Variants in FRMPD4 observed in about 807,000 individuals in gnomAD.
FRMPD4 encodes FERM and PDZ domain-containing protein 4.
A neutral mutation model predicts 94.1 loss-of-function variants in FRMPD4; 22 were observed. The ratio of observed to expected loss-of-function variants is 0.23; its 90% CI spans 0.17 to 0.33. The LOEUF (loss-of-function observed/expected upper bound fraction) is 0.33, where lower values mean the gene tolerates loss of function less well. FRMPD4 is among the 10% of genes least tolerant of loss of function. FRMPD4 has a pLI of 1.00. For missense variants in FRMPD4, 1,111 were observed against 1,339.9 expected (o/e 0.83, Z 2.67); for synonymous variants, 631 against 548.6 (o/e 1.15, Z -2.10).
At chrX:11,844,994 A>G (rs1380796442) in intron 1 of FRMPD4, among the ~76,000 whole-genome samples, 1 of 112,211 alleles carries the variant, frequency 8.9e-6, no homozygotes, top group African/African-American at 3.2e-5. Flanking sequence ...TGCCCGTCCG[A>G]TGAAATTTCT....
At chrX:12,258,686 C>T (rs769231142) in intron 1 of FRMPD4, among the ~76,000 whole-genome samples, 5 of 110,895 alleles carry the variant, frequency 4.5e-5, no homozygotes, top group South Asian at 3.9e-4. Flanking sequence ...TACTTTTTAT[C>T]GATATGTAAT....
chrX:12,267,407 C>T (rs754439950), intron 1 of FRMPD4, among the ~76,000 whole-genome samples: 5 of 111,992 alleles, frequency 4.5e-5, no homozygotes, highest in African/African-American at 1.6e-4. Flanking sequence ...CTCCAAATAG[C>T]GCCTTCTTTT....
At position 12,022,387 on chromosome X, in the gene FRMPD4, A is replaced by T. The variant is rs997689285; in HGVS notation, c.95+144369A>T. ...GAGTTAGGCCCACTCTTTCCCTGCT[A>T]AAAGACACACATCAGAGATTTTCAG... is the stretch of plus-strand genomic sequence containing the variant. On this transcript the variant is annotated intron_variant, in intron 3 of 18. Transcript: ENST00000640291. Among the ~76,000 whole-genome samples, 10 of 112,249 alleles carry T rather than the reference A, an allele frequency of 8.9e-5. No homozygotes were observed. The East Asian group carries it at 2.8e-3, about 31-fold the overall frequency.
Position 12,509,055 on chromosome X carries a change from G to A in FRMPD4, c.158+10259G>A, listed in dbSNP as rs1209475336. 4.3e-5 allele frequency among the ~76,000 whole-genome samples: 4 copies of A among 93,880 alleles called. 1 individual carries two copies. Among genetic ancestry groups the A allele is most frequent in the African/African-American group, 1.2e-4 (3 of 25,421 alleles). 81.5% of individuals were successfully genotyped at this position (93,880 alleles called of 115,157 possible). A position where few individuals can be genotyped will look rare whatever the true frequency, so the allele number is the denominator to read the frequency against. On this transcript the variant is annotated intron_variant, in intron 2 of 16. Transcript: ENST00000675598. ...AGTGGGATACACCTTACTCCTGCAA[G>A]AATGGCCATAATCAAAAAACCAAAA...
chrX:12,397,621 G>A (rs1480292635), intron 1 of FRMPD4, among the ~76,000 whole-genome samples: 1 of 111,661 alleles, frequency 9.0e-6, no homozygotes, highest in Non-Finnish European at 1.9e-5. Flanking sequence ...CTTTGGTTAT[G>A]TCTTGGCAGG....
At chrX:11,914,300 T>C (rs1569124460) in intron 3 of FRMPD4, among the ~76,000 whole-genome samples, 1 of 107,747 alleles carries the variant, frequency 9.3e-6, no homozygotes, top group Non-Finnish European at 1.9e-5. Context: ...TCTTTTTTTT[T>C]TTTTTTTGAA....
At chrX:12,201,994 CTT>C (rs201179523) in intron 1 of FRMPD4, among the ~76,000 whole-genome samples, 18 of 102,051 alleles carry the variant, frequency 1.8e-4, no homozygotes, top group East Asian at 6.2e-4. Flanking sequence ...GCTTTTTCTT[CTT>C]TTTTTTTTTT....
At chrX:11,953,389 C>G (rs762373899) in intron 3 of FRMPD4, among the ~76,000 whole-genome samples, 1 of 111,677 alleles carries the variant, frequency 9.0e-6, no homozygotes, top group Non-Finnish European at 1.9e-5. Context: ...TTAAAGATGT[C>G]CCTTTTCAGG....
At chrX:12,349,441 G>C (rs1195005483) in intron 1 of FRMPD4, among the ~76,000 whole-genome samples, 2 of 110,288 alleles carry the variant, frequency 1.8e-5, no homozygotes, top group Non-Finnish European at 3.8e-5. Context: ...AGGATACTAA[G>C]CCTAGTCTTG....
At chrX:12,035,651 A>G (rs1298820534) in intron 3 of FRMPD4, among the ~76,000 whole-genome samples, 1 of 111,617 alleles carries the variant, frequency 9.0e-6, no homozygotes, top group Non-Finnish European at 1.9e-5. Context: ...ATTTGGTAAA[A>G]TGGTACATTT....
intron 1 of FRMPD4, among the ~76,000 whole-genome samples, chrX:11,850,263 CAAAG>C (rs762361660): frequency 8.9e-6 from 1 of 112,089 alleles, no homozygotes; most frequent in Admixed American, 9.4e-5. Flanking sequence ...CTATTAAAAA[CAAAG>C]AAACAAACAA....
At chrX:12,713,937 A>C (rs1201036941) in intron 14 of FRMPD4, among the ~76,000 whole-genome samples, 2 of 111,868 alleles carry the variant, frequency 1.8e-5, no homozygotes, top group East Asian at 5.6e-4. Context: ...TTAGCCTTCA[A>C]GCACTTTCAA....
At chrX:12,554,561 C>T (rs1225420795) in intron 2 of FRMPD4, among the ~76,000 whole-genome samples, 2 of 112,136 alleles carry the variant, frequency 1.8e-5, no homozygotes, top group Admixed American at 1.9e-4. Flanking sequence ...TTTTGTTTCA[C>T]TCTTAACAAA....
intron 1 of FRMPD4, among the ~76,000 whole-genome samples, chrX:12,334,134 G>A (rs776716926): frequency 8.9e-6 from 1 of 112,010 alleles, no homozygotes; most frequent in Non-Finnish European, 1.9e-5. Context: ...TATTACTATA[G>A]TATCACTATC....
At chrX:12,212,056 C>G (rs1454587976) in intron 1 of FRMPD4, among the ~76,000 whole-genome samples, 1 of 111,523 alleles carries the variant, frequency 9.0e-6, no homozygotes, top group Non-Finnish European at 1.9e-5. Flanking sequence ...ACTTCCAGTT[C>G]CTCCCCACAG....
intron 1 of FRMPD4, among the ~76,000 whole-genome samples, chrX:12,430,704 C>T (rs2057000907): frequency 8.9e-6 from 1 of 111,955 alleles, no homozygotes; most frequent in Non-Finnish European, 1.9e-5. Context: ...GCTGAACACT[C>T]GTTCTGATTA....
chrX:11,891,786 A>T (rs1025870470), intron 3 of FRMPD4, among the ~76,000 whole-genome samples: 2 of 112,468 alleles, frequency 1.8e-5, no homozygotes, highest in African/African-American at 6.5e-5. Context: ...GTGATTACAT[A>T]GTCCAGTAAC....
chrX:11,921,676 C>G (rs989783031), intron 3 of FRMPD4, among the ~76,000 whole-genome samples: 1 of 111,912 alleles, frequency 8.9e-6, no homozygotes, highest in Non-Finnish European at 1.9e-5. Flanking sequence ...AGGGACTGAT[C>G]CTTCAGCTTG....
intron 3 of FRMPD4, among the ~76,000 whole-genome samples, chrX:12,017,920 T>A (rs990027792): frequency 8.9e-6 from 1 of 111,988 alleles, no homozygotes; most frequent in Non-Finnish European, 1.9e-5. Context: ...GGGTCCTGGC[T>A]ATCTGGATAG....
Sources: gnomAD v4.1 joint callset for allele counts (sites outside exome capture counted in the v4.1 genomes callset) on GRCh38, gnomAD v4.1.1 for gene constraint, MANE v1.5 for transcripts, NCBI Gene and HGNC (gene_info 2026-07-23, HGNC 2026-07-21) for gene names.